The following PLPP1 variants were observed in gnomAD, a reference collection of about 807,000 sequenced individuals.
PLPP1 encodes the protein phospholipid phosphatase 1, also known as lipid phosphate phosphohydrolase 1a.
In PLPP1, 24 loss-of-function variants were observed where a neutral mutation model predicts 31.2. The observed-to-expected ratio is 0.77, with a 90% CI of 0.56 to 1.08. The LOEUF (loss-of-function observed/expected upper bound fraction) is 1.08. Ranked by LOEUF, PLPP1 falls within the 50% of genes least tolerant of loss-of-function variation. The pLI is 0.00. For missense variants in PLPP1, 319 were observed against 342.7 expected (o/e 0.93, Z 0.55); for synonymous variants, 146 against 126.3 (o/e 1.16, Z -1.05).
At chr5:55,487,247 CTT>C (rs1752793339) in intron 1 of PLPP1, among the ~76,000 whole-genome samples, 2 of 151,994 alleles carry the variant, frequency 1.3e-5, no homozygotes, top group African/African-American at 4.8e-5. Flanking sequence ...TTAATACTAA[CTT>C]TATTGTTACT....
intron 3 of PLPP1, among the ~76,000 whole-genome samples, chr5:55,449,406 T>TG (rs1751847268): frequency 6.6e-6 from 1 of 152,316 alleles, no homozygotes; most frequent in South Asian, 2.1e-4. Context: ...CTGACATGCC[T>TG]GCTACAGATT....
At chr5:55,443,192 A>AAAAAAAAAAAAAAAATATATATATAT in intron 3 of PLPP1, among the ~76,000 whole-genome samples, 1 of 25,418 alleles carries the variant, frequency 3.9e-5, no homozygotes, top group African/African-American at 1.1e-4. Flanking sequence ...AAAAAAAAAA[A>AAAAAAAAAAAAAAAATATATATATAT]ATATATATAT....
intron 2 of PLPP1, among the ~76,000 whole-genome samples, chr5:55,474,120 C>T (rs769853526): frequency 5.3e-5 from 8 of 151,926 alleles, no homozygotes; most frequent in Non-Finnish European, 1.2e-4. Flanking sequence ...CCTCAGCATC[C>T]TGAGTAGCTG....
At chr5:55,444,609 C>T (rs80220385) in intron 3 of PLPP1, among the ~76,000 whole-genome samples, 471 of 152,222 alleles carry the variant, frequency 3.1e-3, no homozygotes, top group Non-Finnish European at 4.6e-3. Context: ...AGAAAATTTA[C>T]GGAGAGAAAA....
chr5:55,517,375 T>G (rs766425024), intron 1 of PLPP1, among the ~76,000 whole-genome samples: 6 of 152,084 alleles, frequency 3.9e-5, no homozygotes, highest in Non-Finnish European at 7.4e-5. Context: ...TTTGTTTTTT[T>G]GGGTAGAAAC....
At chr5:55,474,189 G>T (rs908452962) in intron 2 of PLPP1, among the ~76,000 whole-genome samples, 1 of 151,452 alleles carries the variant, frequency 6.6e-6, no homozygotes, top group Non-Finnish European at 1.5e-5. Context: ...TAGAGACGGG[G>T]TTTCACCAGG....
At chr5:55,464,167 C>A (rs548006588) in intron 3 of PLPP1, among the ~76,000 whole-genome samples, 2 of 151,466 alleles carry the variant, frequency 1.3e-5, no homozygotes, top group Non-Finnish European at 2.9e-5. Flanking sequence ...CACTTCTACT[C>A]CTAGATATTT....
At chr5:55,481,011 A>AT (rs1345485500) in intron 1 of PLPP1, among the ~76,000 whole-genome samples, 1 of 152,222 alleles carries the variant, frequency 6.6e-6, no homozygotes, top group African/African-American at 2.4e-5. Flanking sequence ...ACCAGTGAAT[A>AT]TTTATAATGG....
intron 1 of PLPP1, among the ~76,000 whole-genome samples, chr5:55,488,375 G>A (rs1201777185): frequency 6.6e-6 from 1 of 152,026 alleles, no homozygotes; most frequent in Non-Finnish European, 1.5e-5. Context: ...ATTGGGTGTG[G>A]TGGCTCATGC....
chr5:55,425,196 C>A lies in PLPP1; in HGVS notation c.*10G>T, dbSNP rs1226949116. Reference sequence around the variant, plus strand: ...AACAGGCCAGCTTCACCTGGGCACCCTGCTGCCTTTCAAGGCTGGTGATTG... The same window carrying A: ...AACAGGCCAGCTTCACCTGGGCACCATGCTGCCTTTCAAGGCTGGTGATTG... On this transcript the variant is annotated 3_prime_UTR_variant, in exon 6 of 6. Transcript: ENST00000307259. 18 of 1,611,480 alleles carry A rather than the reference C, an allele frequency of 1.1e-5. No homozygotes were observed. The highest frequency in any genetic ancestry group is 1.5e-5 in the Non-Finnish European group (18 of 1,179,380).
chr5:55,428,716 G>A (rs562084218), intron 4 of PLPP1, among the ~76,000 whole-genome samples: 6 of 152,248 alleles, frequency 3.9e-5, no homozygotes, highest in South Asian at 2.1e-4. Flanking sequence ...ATGCTTCAGC[G>A]CCAAGGCTAA....
intron 4 of PLPP1, among the ~76,000 whole-genome samples, chr5:55,434,214 A>G (rs975536910): frequency 6.6e-6 from 1 of 152,022 alleles, no homozygotes; most frequent in Non-Finnish European, 1.5e-5. Flanking sequence ...CTAGGGATCT[A>G]TTTAACCAAG....
intron 1 of PLPP1, among the ~76,000 whole-genome samples, chr5:55,507,182 T>C (rs1256712795): frequency 6.6e-6 from 1 of 152,200 alleles, no homozygotes; most frequent in African/African-American, 2.4e-5. Context: ...ACTAAAAAGT[T>C]TGCCAGATAA....
At chr5:55,485,571 C>T (rs1752759120) in intron 1 of PLPP1, among the ~76,000 whole-genome samples, 1 of 141,370 alleles carries the variant, frequency 7.1e-6, no homozygotes, top group African/African-American at 2.6e-5. Context: ...ATAGTTAAGG[C>T]ATTTAAACTT....
chr5:55,443,192 A>AAAAAAAAAAAAAAAAATATAT, intron 3 of PLPP1, among the ~76,000 whole-genome samples: 7 of 25,430 alleles, frequency 2.8e-4, no homozygotes, highest in Admixed American at 7.8e-4. Context: ...AAAAAAAAAA[A>AAAAAAAAAAAAAAAAATATAT]ATATATATAT....
Position 55,519,637 on chromosome 5 carries a change from C to T in PLPP1, c.58+14935G>A, listed in dbSNP as rs529749791. ...TGGTGGTGAGCACCTGTAATCCCAG[C>T]TACTCAGGAGGCCGAGGCAAGAGAA... is the stretch of plus-strand genomic sequence containing the variant. On this transcript the variant is annotated intron_variant, in intron 1 of 5. Coordinates refer to ENST00000307259, the MANE Select transcript of PLPP1 (RefSeq NM_003711.4). Among the ~76,000 whole-genome samples, 8 of 151,938 alleles carry T rather than the reference C, an allele frequency of 5.3e-5. No homozygotes were observed. In the South Asian group the frequency reaches 1.5e-3, roughly 28 times the overall value.
At chr5:55,441,754 A>G in intron 4 of PLPP1, 97 bp downstream of exon 4, 3 of 1,271,976 alleles carry the variant, frequency 2.4e-6, no homozygotes, top group South Asian at 2.5e-5. Flanking sequence ...ACCTTTTGCT[A>G]CTGGCTAATT....
rs1751136212 is a variant in PLPP1 at position 55,425,077 on chromosome 5, C to G, written c.*129G>C. The G allele has an allele frequency of 2.4e-6, 3 of 1,241,670 alleles. No individual in the cohort carries two copies. The highest frequency in any genetic ancestry group is 3.4e-6 in the Non-Finnish European group (3 of 895,226). The allele number at this position is 1,241,670 out of a possible 1,614,324, so 76.9% of individuals were successfully genotyped here. On this transcript the variant is annotated 3_prime_UTR_variant, in exon 6 of 6. Coordinates refer to ENST00000307259, the MANE Select transcript of PLPP1 (RefSeq NM_003711.4). ...ACTATGTACACACAAAGTGTGCATC[C>G]AAGAGGCATAGCAGCAGCAGAAGTC...
intron 4 of PLPP1, among the ~76,000 whole-genome samples, chr5:55,440,061 G>T (rs1561223911): frequency 6.6e-6 from 1 of 152,120 alleles, no homozygotes; most frequent in Non-Finnish European, 1.5e-5. Flanking sequence ...TAAAACAGTG[G>T]CAGTCATCCC....
Sources: gnomAD v4.1 joint callset for allele counts (sites outside exome capture counted in the v4.1 genomes callset) on GRCh38, gnomAD v4.1.1 for gene constraint, MANE v1.5 for transcripts, NCBI Gene and HGNC (gene_info 2026-07-23, HGNC 2026-07-21) for gene names.